Variants in STXBP5L observed in about 807,000 individuals in gnomAD.
STXBP5L encodes the protein syntaxin binding protein 5L, also known as syntaxin-binding protein 5-like.
Under a neutral mutation model 144.5 loss-of-function variants are expected in STXBP5L, and 65 were observed. The observed-to-expected ratio is 0.45, with a 90% confidence interval of 0.37 to 0.55. The LOEUF is 0.55. STXBP5L is among the 20% of genes least tolerant of loss of function. The pLI is 0.00. For missense variants in STXBP5L, 1,298 were observed against 1,405.5 expected (o/e 0.92, Z 1.22); for synonymous variants, 505 against 469.6 (o/e 1.08, Z -0.97).
intron 9 of STXBP5L, among the ~76,000 whole-genome samples, chr3:121,190,740 G>A (rs1478935048): frequency 2.6e-5 from 4 of 151,826 alleles, no homozygotes; most frequent in African/African-American, 9.7e-5. Context: ...CCCACCTCCC[G>A]GATGGGGCAG....
At chr3:121,051,696 C>G (rs1302023414) in intron 5 of STXBP5L, among the ~76,000 whole-genome samples, 1 of 152,028 alleles carries the variant, frequency 6.6e-6, no homozygotes, top group Non-Finnish European at 1.5e-5. Context: ...CAAGAGGAAA[C>G]ACATTCAAAA....
At chr3:121,205,362 T>G (rs1370976106) in intron 9 of STXBP5L, among the ~76,000 whole-genome samples, 2 of 152,160 alleles carry the variant, frequency 1.3e-5, no homozygotes, top group Admixed American at 1.3e-4. Flanking sequence ...GCTGATCTAA[T>G]CCTTTCATCA....
chr3:121,087,764 G>A (rs2042568808), intron 5 of STXBP5L, among the ~76,000 whole-genome samples: 1 of 151,382 alleles, frequency 6.6e-6, no homozygotes, highest in African/African-American at 2.4e-5. Flanking sequence ...GCCTTTCTGT[G>A]GTTTAATTGA....
chr3:121,119,153 T>C (rs1243697935), intron 6 of STXBP5L, among the ~76,000 whole-genome samples: 2 of 151,540 alleles, frequency 1.3e-5, no homozygotes, highest in Admixed American at 1.3e-4. Flanking sequence ...AATTATGACT[T>C]TCTATTATTT....
chr3:121,215,696 C>T (rs1007047416), intron 10 of STXBP5L, among the ~76,000 whole-genome samples: 2 of 152,140 alleles, frequency 1.3e-5, no homozygotes, highest in East Asian at 1.9e-4. Context: ...TTGCTCTTCT[C>T]TAGGAGTATC....
chr3:120,994,034 T>C (rs914015400), intron 3 of STXBP5L, among the ~76,000 whole-genome samples: 3 of 152,034 alleles, frequency 2.0e-5, no homozygotes, highest in African/African-American at 7.2e-5. Context: ...AATGTATTCC[T>C]TTTTATTTTT....
chr3:121,087,221 A>C (rs1291957417), intron 5 of STXBP5L, among the ~76,000 whole-genome samples: 1 of 152,052 alleles, frequency 6.6e-6, no homozygotes, highest in Non-Finnish European at 1.5e-5. Flanking sequence ...ATTTTCTTGC[A>C]TTCTATATCC....
At chr3:121,032,308 T>A (rs953278016) in intron 3 of STXBP5L, among the ~76,000 whole-genome samples, 1 of 149,434 alleles carries the variant, frequency 6.7e-6, no homozygotes, top group African/African-American at 2.5e-5. Flanking sequence ...GGAAGAAGAA[T>A]GTATCATGAA....
chr3:120,962,288 C>G (rs1938936704), intron 3 of STXBP5L, among the ~76,000 whole-genome samples: 1 of 152,210 alleles, frequency 6.6e-6, no homozygotes, highest in East Asian at 1.9e-4. Flanking sequence ...TAATTAGATC[C>G]CATTTGTCAA....
intron 6 of STXBP5L, among the ~76,000 whole-genome samples, chr3:121,121,298 A>G (rs1242634654): frequency 6.6e-6 from 1 of 151,272 alleles, no homozygotes; most frequent in Non-Finnish European, 1.5e-5. Context: ...TTACCTTTGT[A>G]GCTGTAGTGT....
intron 20 of STXBP5L, among the ~76,000 whole-genome samples, chr3:121,347,952 C>T (rs1448209620): frequency 6.6e-6 from 1 of 152,084 alleles, no homozygotes. Flanking sequence ...CCTTTATTTC[C>T]TTCTCCTGCC....
At chr3:121,180,325 A>G (rs555149260) in intron 9 of STXBP5L, among the ~76,000 whole-genome samples, 32 of 152,332 alleles carry the variant, frequency 2.1e-4, no homozygotes, top group Admixed American at 7.2e-4. Context: ...AGAATTTGGT[A>G]TCCAGCAAAA....
intron 7 of STXBP5L, among the ~76,000 whole-genome samples, chr3:121,140,077 G>T (rs1209612253): frequency 6.6e-6 from 1 of 151,938 alleles, no homozygotes; most frequent in Non-Finnish European, 1.5e-5. Flanking sequence ...AAATAATTAA[G>T]TGTAATTCCT....
intron 22 of STXBP5L, among the ~76,000 whole-genome samples, chr3:121,391,178 C>A (rs1375972780): frequency 6.6e-6 from 1 of 152,114 alleles, no homozygotes; most frequent in Non-Finnish European, 1.5e-5. Context: ...TTGATTGAAT[C>A]TACTATTGAA....
chr3:121,102,339 G>C (rs1267384733), intron 5 of STXBP5L, among the ~76,000 whole-genome samples: 2 of 151,988 alleles, frequency 1.3e-5, no homozygotes, highest in East Asian at 3.8e-4. Context: ...GTAACCAAAA[G>C]AGCATCATAC....
chr3:121,071,699 G>A (rs931572201), intron 5 of STXBP5L, among the ~76,000 whole-genome samples: 1 of 152,206 alleles, frequency 6.6e-6, no homozygotes, highest in Admixed American at 6.5e-5. Context: ...TGGAAGGGAT[G>A]TACTGCATCT....
At chr3:120,995,508 C>T (rs1010747758) in intron 3 of STXBP5L, among the ~76,000 whole-genome samples, 1 of 151,832 alleles carries the variant, frequency 6.6e-6, no homozygotes, top group Non-Finnish European at 1.5e-5. Flanking sequence ...ATTAATTGAA[C>T]ATTTTTAATG....
Position 121,103,892 on chromosome 3 carries a change from G to A in STXBP5L, c.471-11033G>A, listed in dbSNP as rs566029322. The stretch of plus-strand genomic sequence containing the variant: ...GTTTTGCCACTTAAGTTTTAGTGAA[G>A]AAATATGTTTGGGTATTTACTGCAG... On this transcript the variant is annotated intron_variant, in intron 5 of 26. Coordinates refer to ENST00000471454, the MANE Select transcript of STXBP5L (RefSeq NM_001308330.2). Among the ~76,000 whole-genome samples the A allele has an allele frequency of 3.0e-3, 461 of 152,234 alleles. 1 individual carries two copies. The highest frequency in any genetic ancestry group is 5.4e-3 in the Non-Finnish European group (366 of 67,972).
chr3:120,958,368 A>T (rs2107718806), intron 3 of STXBP5L, among the ~76,000 whole-genome samples: 1 of 152,320 alleles, frequency 6.6e-6, no homozygotes, highest in South Asian at 2.1e-4. Context: ...AAACTATTCC[A>T]ATCAATAGAA....
Sources: gnomAD v4.1 joint callset for allele counts (sites outside exome capture counted in the v4.1 genomes callset) on GRCh38, gnomAD v4.1.1 for gene constraint, MANE v1.5 for transcripts, NCBI Gene and HGNC (gene_info 2026-07-23, HGNC 2026-07-21) for gene names.